The following MEGF10 variants were observed in gnomAD, a reference collection of about 807,000 sequenced individuals.
The protein encoded by MEGF10 is multiple epidermal growth factor-like domains protein 10.
MEGF10 carries 86 observed loss-of-function variants against 147.5 expected under a neutral mutation model. The ratio of observed to expected loss-of-function variants is 0.58; its 90% confidence interval spans 0.49 to 0.70. MEGF10 has a LOEUF of 0.70. MEGF10 is among the 30% of genes least tolerant of loss of function. The pLI, the probability that MEGF10 is intolerant of heterozygous loss-of-function variation, is 0.00. For synonymous variants in MEGF10, 478 were observed against 525.5 expected (o/e 0.91, Z 1.24); for missense variants, 1,329 against 1,487.3 (o/e 0.89, Z 1.75).
At chr5:127,288,575 T>C (rs901373319), upstream of MEGF10, among the ~76,000 whole-genome samples, 1 of 152,100 alleles carries the variant, frequency 6.6e-6, no homozygotes, top group Non-Finnish European at 1.5e-5. Context: ...ATGGCAAAAA[T>C]AAGAAGACAG....
chr5:127,271,456 G>C, the MEGF10 span, among the ~76,000 whole-genome samples: 1 of 151,410 alleles, frequency 6.6e-6, no homozygotes, highest in Non-Finnish European at 1.5e-5. Context: ...CTGGATTTTA[G>C]ACCTTTGTCA....
chr5:127,326,165 T>C (rs1352781889), intron 1 of MEGF10, among the ~76,000 whole-genome samples: 1 of 151,876 alleles, frequency 6.6e-6, no homozygotes, highest in Non-Finnish European at 1.5e-5. Flanking sequence ...TCCTCCTACC[T>C]CGGCTTCCCA....
At chr5:127,280,326 T>C in the MEGF10 span, among the ~76,000 whole-genome samples, 1 of 152,198 alleles carries the variant, frequency 6.6e-6, no homozygotes, top group Admixed American at 6.5e-5. Flanking sequence ...ATGCCTCCAT[T>C]CATTGGAGGA....
At chr5:127,324,722 G>T (rs1244878995) in intron 1 of MEGF10, among the ~76,000 whole-genome samples, 4 of 152,166 alleles carry the variant, frequency 2.6e-5, no homozygotes, top group African/African-American at 9.7e-5. Flanking sequence ...AAGACTTCAA[G>T]TAAATTCTAC....
chr5:127,453,753 C>T (rs1382377463), intron 22 of MEGF10, among the ~76,000 whole-genome samples: 1 of 152,176 alleles, frequency 6.6e-6, no homozygotes, highest in African/African-American at 2.4e-5. Context: ...TGCACGTATA[C>T]ACCAGATAGT....
chr5:127,329,384 T>A (rs1374321088), intron 1 of MEGF10, among the ~76,000 whole-genome samples: 2 of 152,182 alleles, frequency 1.3e-5, no homozygotes, highest in Non-Finnish European at 1.5e-5. Context: ...ACATTTTCTT[T>A]TAGCCTTTGT....
At chr5:127,354,995 A>T (rs1350850393) in intron 4 of MEGF10, among the ~76,000 whole-genome samples, 4 of 152,190 alleles carry the variant, frequency 2.6e-5, no homozygotes, top group Non-Finnish European at 4.4e-5. Flanking sequence ...TTATGTGAGG[A>T]CACATTTAAT....
chr5:127,429,943 A>T (rs546709606), intron 13 of MEGF10, among the ~76,000 whole-genome samples: 10 of 152,096 alleles, frequency 6.6e-5, no homozygotes, highest in African/African-American at 1.9e-4. Context: ...GCTCAACTCA[A>T]CTTGGCCACT....
chr5:127,282,914 G>T, the MEGF10 span, among the ~76,000 whole-genome samples: 210 of 152,284 alleles, frequency 1.4e-3, no homozygotes, highest in African/African-American at 4.7e-3. Context: ...GGAAAGAAAT[G>T]GTTCAAGTTC....
At chr5:127,256,809 AC>A in the MEGF10 span, among the ~76,000 whole-genome samples, 1 of 152,150 alleles carries the variant, frequency 6.6e-6, no homozygotes, top group Admixed American at 6.6e-5. Context: ...CTTCCCCTTC[AC>A]CCTCTGAAAA....
intron 7 of MEGF10, among the ~76,000 whole-genome samples, chr5:127,399,470 G>T (rs1463965452): frequency 1.3e-5 from 2 of 152,168 alleles, no homozygotes; most frequent in African/African-American, 4.8e-5. Flanking sequence ...CTCTGAGTTG[G>T]TTTGTGCCTG....
At chr5:127,229,826 C>G in the MEGF10 span, 14 of 152,322 alleles carry the variant, frequency 9.2e-5, no homozygotes, top group African/African-American at 1.7e-4. Flanking sequence ...CAGCGCACCC[C>G]CCTCTGGGGG....
chr5:127,422,676 A>G lies in MEGF10; in HGVS notation c.1597A>G (p.Thr533Ala), dbSNP rs954749214. The G allele has an allele frequency of 1.5e-5, 24 of 1,613,766 alleles. No individual in the cohort carries two copies. Among genetic ancestry groups the G allele is most frequent in the Non-Finnish European group, 1.8e-5 (21 of 1,179,856 alleles). ...GATGCTGTTTTCCATGCAGGATGGCACGTACGGGCTGAACTGTGCTGAGCG... is the reference window on the plus strand; with the variant it reads ...GATGCTGTTTTCCATGCAGGATGGCGCGTACGGGCTGAACTGTGCTGAGCG... ...EKCELPCQDG[T>A]YGLNCAERCD... Residue 533 changes from threonine (T) to alanine (A), a missense_variant, in exon 13 of 25, where the codon ACG (threonine) becomes GCG (alanine). This residue lies in a region of MEGF10 where 980 missense variants were observed against 1,085.9 expected (regional missense o/e 0.90). Coordinates refer to ENST00000503335, the MANE Select transcript of MEGF10 (RefSeq NM_001256545.2).
chr5:127,320,152 A>G (rs896936193), intron 1 of MEGF10, among the ~76,000 whole-genome samples: 17 of 152,288 alleles, frequency 1.1e-4, no homozygotes, highest in South Asian at 2.1e-4. Flanking sequence ...TGCTTTCCTG[A>G]CTGATGTTTC....
chr5:127,391,096 GCGCGCGCA>G (rs1181242277), intron 5 of MEGF10, among the ~76,000 whole-genome samples: 16 of 29,418 alleles, frequency 5.4e-4, no homozygotes, highest in African/African-American at 1.0e-3. Flanking sequence ...ATGCGCGCGC[GCGCGCGCA>G]CACACACACA....
At chr5:127,229,759 T>C in the MEGF10 span, 1 of 151,888 alleles carries the variant, frequency 6.6e-6, no homozygotes, top group Admixed American at 6.5e-5. Flanking sequence ...CTCTGCCCCA[T>C]GCCCTGGGCC....
At chr5:127,308,643 C>T (rs1460284243) in intron 1 of MEGF10, among the ~76,000 whole-genome samples, 1 of 150,390 alleles carries the variant, frequency 6.6e-6, no homozygotes, top group East Asian at 2.0e-4. Context: ...TGTTCTCACT[C>T]ATAGGTGGGA....
At chr5:127,239,376 GAC>G in the MEGF10 span, among the ~76,000 whole-genome samples, 16,056 of 123,288 alleles carry the variant, frequency 0.13, 1,770 homozygotes, top group African/African-American at 0.31. Flanking sequence ...GATGATGGAA[GAC>G]ACACACACAC....
chr5:127,286,469 C>T (rs1267069689), upstream of MEGF10, among the ~76,000 whole-genome samples: 1 of 151,676 alleles, frequency 6.6e-6, no homozygotes, highest in Non-Finnish European at 1.5e-5. Flanking sequence ...TAAAAAATTC[C>T]CTGAAATTTG....
Sources: allele counts gnomAD v4.1 joint callset (sites outside exome capture counted in the v4.1 genomes callset), GRCh38; gene constraint gnomAD v4.1.1; regional missense constraint gnomAD v4.1.1; transcripts MANE v1.5; gene names NCBI Gene and HGNC (gene_info 2026-07-23, HGNC 2026-07-21).